PLEKHA5: variants seen among roughly 807,000 people sequenced by gnomAD.
The protein encoded by PLEKHA5 is pleckstrin homology domain containing A5.
PLEKHA5 carries 55 observed loss-of-function variants against 181.9 expected under a neutral mutation model. The observed-to-expected ratio is 0.30, with a 90% CI of 0.24 to 0.38. PLEKHA5 has a LOEUF of 0.38. Ranked by LOEUF, PLEKHA5 falls within the 10% of genes least tolerant of loss-of-function variation. The pLI is 1.00. For synonymous variants in PLEKHA5, 535 were observed against 529.4 expected (o/e 1.01, Z -0.15); for missense variants, 1,432 against 1,549.5 (o/e 0.92, Z 1.27).
chr12:19,166,226 A>G (rs1304093527), intron 3 of PLEKHA5, among the ~76,000 whole-genome samples: 1 of 152,180 alleles, frequency 6.6e-6, no homozygotes, highest in Non-Finnish European at 1.5e-5. Flanking sequence ...AAATTAGAGC[A>G]GGGTTGAAGA....
At chr12:19,195,593 C>T (rs1486341319) in intron 3 of PLEKHA5, among the ~76,000 whole-genome samples, 1 of 149,484 alleles carries the variant, frequency 6.7e-6, no homozygotes, top group Non-Finnish European at 1.5e-5. Context: ...TTGATTGAGC[C>T]CAGGAGGTGG....
intron 3 of PLEKHA5, among the ~76,000 whole-genome samples, chr12:19,162,402 G>A (rs933605815): frequency 2.0e-5 from 3 of 152,060 alleles, no homozygotes; most frequent in African/African-American, 4.8e-5. Flanking sequence ...TTTATTGGGT[G>A]CTTTTTATGC....
chr12:19,267,673 C>T (rs2070966418), intron 8 of PLEKHA5, among the ~76,000 whole-genome samples: 1 of 135,972 alleles, frequency 7.4e-6, no homozygotes, highest in Non-Finnish European at 1.5e-5. Context: ...CCCAACCCCC[C>T]AAAAAAATAG....
Position 19,256,889 on chromosome 12 carries a change from A to G in PLEKHA5, c.433-544A>G, listed in dbSNP as rs1336736420. ...AACCCCATCTGTCTAGTTTAAGTTCAGAGTTGTCCATAAAAAAGAAAACAC... is the reference window on the plus strand; with the variant it reads ...AACCCCATCTGTCTAGTTTAAGTTCGGAGTTGTCCATAAAAAAGAAAACAC... On this transcript the variant is annotated intron_variant, in intron 5 of 31. Coordinates refer to ENST00000429027, the MANE Select transcript of PLEKHA5 (RefSeq NM_001256470.2). 2.0e-5 allele frequency among the ~76,000 whole-genome samples: 3 copies of G among 152,180 alleles called. No homozygotes were observed. In the East Asian group the frequency reaches 5.8e-4, roughly 29 times the overall value.
rs540481985 is a variant in PLEKHA5, at chr12:19,374,425, C to T, written c.*12-1106C>T. 5.9e-4 allele frequency among the ~76,000 whole-genome samples: 90 copies of T among 152,156 alleles called. 1 individual carries two copies. Among genetic ancestry groups the T allele is most frequent in the Admixed American group, 5.6e-3 (86 of 15,270 alleles). Reference sequence around the variant, plus strand: ...CTGTAATCCCAACACTTTGTGAGGCCGAGGCGGGCGGAACACAAGGTCAGG... The same window carrying T: ...CTGTAATCCCAACACTTTGTGAGGCTGAGGCGGGCGGAACACAAGGTCAGG... On this transcript the variant is annotated intron_variant, in intron 31 of 31. Coordinates refer to ENST00000429027, the MANE Select transcript of PLEKHA5 (RefSeq NM_001256470.2).
intron 3 of PLEKHA5, among the ~76,000 whole-genome samples, chr12:19,134,564 T>C (rs537776501): frequency 3.9e-4 from 59 of 152,134 alleles, no homozygotes; most frequent in African/African-American, 1.4e-3. Flanking sequence ...GTCAGAAGAC[T>C]AATTTCTTTT....
At chr12:19,241,459 A>C (rs2062579123) in intron 3 of PLEKHA5, among the ~76,000 whole-genome samples, 1 of 152,208 alleles carries the variant, frequency 6.6e-6, no homozygotes, top group African/African-American at 2.4e-5. Flanking sequence ...CAGTTGAAAA[A>C]TAAATTGTAA....
chr12:19,176,067 TAGTG>T (rs1277494617), intron 3 of PLEKHA5, among the ~76,000 whole-genome samples: 1 of 152,068 alleles, frequency 6.6e-6, no homozygotes, highest in African/African-American at 2.4e-5. Flanking sequence ...ACCTTCAAAA[TAGTG>T]AGAAGTGAAT....
At chr12:19,291,333 A>G (rs1170900612) in intron 14 of PLEKHA5, among the ~76,000 whole-genome samples, 1 of 152,224 alleles carries the variant, frequency 6.6e-6, no homozygotes, top group East Asian at 1.9e-4. Flanking sequence ...AAGTAGTACT[A>G]TATTAGAGGA....
At chr12:19,255,525 T>C (rs1336013296) in intron 5 of PLEKHA5, among the ~76,000 whole-genome samples, 1 of 151,992 alleles carries the variant, frequency 6.6e-6, no homozygotes, top group African/African-American at 2.4e-5. Flanking sequence ...TAGTATATTA[T>C]GTTTATTGTA....
At position 19,283,763 on chromosome 12, in the gene PLEKHA5, T is replaced by A; in HGVS notation, c.1779+18T>A. On this transcript the variant is annotated intron_variant, in intron 12 of 31. Transcript: ENST00000429027. The stretch of plus-strand genomic sequence containing the variant: ...ACCCTAAGGTAAAATAGCTGCTGAT[T>A]TTGTGTTAACTCACTACCTTATAAA... 6.6e-7 allele frequency: 1 copy of A among 1,517,696 alleles called. No individual in the cohort carries two copies. Among genetic ancestry groups the A allele is most frequent in the Non-Finnish European group, 9.1e-7 (1 of 1,095,796 alleles). The allele number at this position is 1,517,696 out of a possible 1,614,324, so 94.0% of individuals were successfully genotyped here. A position where few individuals can be genotyped will look rare whatever the true frequency, so the allele number is the denominator to read the frequency against.
chr12:19,280,315 G>T (rs992420094), intron 11 of PLEKHA5, among the ~76,000 whole-genome samples: 5 of 151,698 alleles, frequency 3.3e-5, no homozygotes, highest in African/African-American at 9.7e-5. Flanking sequence ...GGATTACAGG[G>T]GTGAGCCGCT....
At chr12:19,328,860 C>T (rs1049972081) in intron 20 of PLEKHA5, among the ~76,000 whole-genome samples, 1 of 152,076 alleles carries the variant, frequency 6.6e-6, no homozygotes, top group African/African-American at 2.4e-5. Flanking sequence ...ACTAGGACTT[C>T]CAGTACTATG....
At chr12:19,310,779 TG>T (rs767488469) in intron 15 of PLEKHA5, among the ~76,000 whole-genome samples, 11 of 152,122 alleles carry the variant, frequency 7.2e-5, no homozygotes, top group Non-Finnish European at 1.3e-4. Context: ...CGTGGTTTTT[TG>T]TTTTTTTGTT....
intron 13 of PLEKHA5, among the ~76,000 whole-genome samples, chr12:19,289,517 G>A (rs189611439): frequency 2.0e-5 from 3 of 152,338 alleles, no homozygotes; most frequent in Non-Finnish European, 2.9e-5. Context: ...AGGAAAGCCT[G>A]TAGCCTGCTT....
intron 3 of PLEKHA5, among the ~76,000 whole-genome samples, chr12:19,142,784 A>G (rs145595340): frequency 5.1e-4 from 77 of 152,248 alleles, no homozygotes; most frequent in African/African-American, 1.7e-3. Context: ...GTGTAACTCT[A>G]TACTCACTTT....
chr12:19,211,590 C>A (rs1417047813), intron 3 of PLEKHA5, among the ~76,000 whole-genome samples: 2 of 151,872 alleles, frequency 1.3e-5, no homozygotes, highest in Admixed American at 6.6e-5. Context: ...TGAATTCTGG[C>A]CTCTAGAGCT....
intron 8 of PLEKHA5, among the ~76,000 whole-genome samples, chr12:19,267,960 C>CA (rs1265043160): frequency 1.7e-3 from 228 of 138,008 alleles, no homozygotes; most frequent in Middle Eastern, 3.8e-3. Flanking sequence ...AACTCTGGCT[C>CA]AAAAAAAAAA....
At chr12:19,200,499 A>G in intron 3 of PLEKHA5, 1 of 1,366,670 alleles carries the variant, frequency 7.3e-7, no homozygotes, top group Non-Finnish European at 9.4e-7. Flanking sequence ...TCTCCATAAC[A>G]AATGTTCCAA....
Sources: gnomAD v4.1 joint callset for allele counts (sites outside exome capture counted in the v4.1 genomes callset) on GRCh38, gnomAD v4.1.1 for gene constraint, MANE v1.5 for transcripts, NCBI Gene and HGNC (gene_info 2026-07-23, HGNC 2026-07-21) for gene names.